MYH16: variants seen among roughly 807,000 people sequenced by gnomAD.
MYH16 encodes the protein myosin heavy chain 16.
chr7:99,246,911 G>A (rs893829153), intron 2 of MYH16, among the ~76,000 whole-genome samples: 3 of 151,988 alleles, frequency 2.0e-5, no homozygotes, highest in Non-Finnish European at 4.4e-5. Context: ...TTACGATGGG[G>A]CAAAAGCAAT....
chr7:99,285,618 T>C (rs1792266623), intron 27 of MYH16, among the ~76,000 whole-genome samples, 180 bp downstream of exon 9: 1 of 152,072 alleles, frequency 6.6e-6, no homozygotes, highest in African/African-American at 2.4e-5. Context: ...TCCACATTAA[T>C]CATGACGTGA....
At chr7:99,273,995 G>A (rs1311091246) in intron 20 of MYH16, among the ~76,000 whole-genome samples, 1 of 152,170 alleles carries the variant, frequency 6.6e-6, no homozygotes, top group South Asian at 2.1e-4. Context: ...GATGGAGAGC[G>A]CCATACCACC....
exon 12 of MYH16, chr7:99,260,305 C>A: frequency 2.0e-6 from 3 of 1,474,928 alleles, no homozygotes; most frequent in Non-Finnish European, 2.8e-6. Context: ...TGGCCTCGAC[C>A]TTCAGGCCTG....
intron 24 of MYH16, 56 bp from the exon 7 acceptor site, chr7:99,283,817 C>T (rs1792237915): frequency 6.9e-6 from 3 of 436,816 alleles, no homozygotes; most frequent in South Asian, 1.7e-5. Context: ...TTCCTTCTTG[C>T]CTTCTGACCT....
At chr7:99,280,560 C>T (rs775692382) in intron 22 of MYH16, among the ~76,000 whole-genome samples, 16 of 152,202 alleles carry the variant, frequency 1.1e-4, no homozygotes, top group African/African-American at 3.9e-4. Flanking sequence ...CCTAAACTTG[C>T]GCTTCTCCTG....
chr7:99,263,796 C>G (rs1487439973), intron 14 of MYH16, among the ~76,000 whole-genome samples: 1 of 152,162 alleles, frequency 6.6e-6, no homozygotes, highest in Non-Finnish European at 1.5e-5. Context: ...TTGTCAGAAG[C>G]AAATGCCAAG....
downstream of MYH16, chr7:99,310,825 CA>C (rs1792750218): frequency 6.6e-6 from 1 of 152,018 alleles, no homozygotes; most frequent in Non-Finnish European, 1.5e-5. Flanking sequence ...GTTTACTATG[CA>C]AAAGAAAGTG....
intron 8 of MYH16, chr7:99,254,063 A>C (rs1007235710): frequency 4.6e-5 from 7 of 152,250 alleles, no homozygotes; most frequent in Non-Finnish European, 7.3e-5. Flanking sequence ...AGCCTGGCCA[A>C]CATGGTGAAA....
chr7:99,304,703 G>A (rs1269387106), exon 40 of MYH16: 15 of 153,146 alleles, frequency 9.8e-5, no homozygotes, highest in African/African-American at 1.2e-4. Flanking sequence ...GGAGGAGGCC[G>A]AGCAGCTGGC....
intron 1 of MYH16, among the ~76,000 whole-genome samples, chr7:99,242,289 T>G (rs1362929811): frequency 6.6e-6 from 1 of 152,162 alleles, no homozygotes; most frequent in Non-Finnish European, 1.5e-5. Context: ...CTTTTCTTGC[T>G]TGCTTTCAAT....
chr7:99,295,217 A>G (rs1792465364), intron 33 of MYH16, among the ~76,000 whole-genome samples: 1 of 151,968 alleles, frequency 6.6e-6, no homozygotes, highest in Non-Finnish European at 1.5e-5. Flanking sequence ...CGTCTCTAAT[A>G]AAATACAAAA....
At position 99,306,359 on chromosome 7, in the gene MYH16, C is replaced by T. The variant is rs1244951466; in HGVS notation, n.5636-250C>T. Among the ~76,000 whole-genome samples, 5 of 152,034 alleles carry T rather than the reference C, an allele frequency of 3.3e-5. No individual in the cohort carries two copies. The East Asian group carries it at 9.6e-4, about 29-fold the overall frequency. On this transcript the variant is annotated intron_variant and non_coding_transcript_variant, in intron 41 of 41. Transcript: ENST00000439784. ...GCCTGGCCAACATGGTGAAACCCAT[C>T]TCTACTGAAAATACAAAAATTAGTC...
intron 8 of MYH16, among the ~76,000 whole-genome samples, chr7:99,255,274 AT>A (rs1243170754): frequency 3.9e-5 from 6 of 151,944 alleles, no homozygotes; most frequent in South Asian, 2.1e-4. Context: ...GTCTCAAAAA[AT>A]TTTTTTAAAA....
exon 29 of MYH16, chr7:99,287,921 G>A (rs969718428): frequency 6.6e-5 from 30 of 456,112 alleles, no homozygotes; most frequent in Non-Finnish European, 1.2e-4. Flanking sequence ...GGGAGGCTGA[G>A]CTGCTGAAGC....
intron 23 of MYH16, among the ~76,000 whole-genome samples, chr7:99,281,281 G>T (rs1044374693): frequency 1.3e-5 from 2 of 152,140 alleles, no homozygotes; most frequent in Non-Finnish European, 2.9e-5. Flanking sequence ...AATCATCTAG[G>T]CATGGCAGCT....
At chr7:99,262,908 G>C (rs1791950831) in intron 13 of MYH16, among the ~76,000 whole-genome samples, 1 of 152,196 alleles carries the variant, frequency 6.6e-6, no homozygotes, top group South Asian at 2.1e-4. Context: ...TCTTCACGTA[G>C]CTCGGGATTC....
intron 20 of MYH16, among the ~76,000 whole-genome samples, chr7:99,277,041 C>G (rs1792122896): frequency 8.7e-6 from 1 of 115,374 alleles, no homozygotes; most frequent in Non-Finnish European, 1.6e-5. Flanking sequence ...GAGAGAGACA[C>G]AGAGAGAGAG....
chr7:99,290,681 T>C (rs74616672), intron 30 of MYH16, among the ~76,000 whole-genome samples: 2 of 151,480 alleles, frequency 1.3e-5, no homozygotes, highest in African/African-American at 4.9e-5. Flanking sequence ...TACACACTTG[T>C]AATCCCAGTT....
intron 27 of MYH16, among the ~76,000 whole-genome samples, chr7:99,285,852 G>A (rs541311963): frequency 9.2e-5 from 14 of 152,366 alleles, no homozygotes; most frequent in South Asian, 6.2e-4. Flanking sequence ...AGGCTTGAGC[G>A]TGGGGATCCT....
Sources: gnomAD v4.1 joint callset for allele counts (sites outside exome capture counted in the v4.1 genomes callset) on GRCh38, gnomAD v4.1.1 for gene constraint, MANE v1.5 for transcripts, NCBI Gene and HGNC (gene_info 2026-07-23, HGNC 2026-07-21) for gene names.